PTPRE: variants seen among roughly 807,000 people sequenced by gnomAD.
PTPRE encodes the protein protein tyrosine phosphatase receptor type E.
A neutral mutation model predicts 102.0 loss-of-function variants in PTPRE; 51 were observed. The ratio of observed to expected loss-of-function variants is 0.50; its 90% CI spans 0.40 to 0.63. The LOEUF is 0.63. Among genes scored for constraint, PTPRE ranks in the 30% least tolerant of loss-of-function variants. The pLI, the probability that PTPRE is intolerant of heterozygous loss-of-function variation, is 0.00. For synonymous variants in PTPRE, 345 were observed against 348.2 expected (o/e 0.99, Z 0.10); for missense variants, 752 against 915.1 (o/e 0.82, Z 2.30).
intron 1 of PTPRE, among the ~76,000 whole-genome samples, chr10:127,908,833 C>A (rs532115088): frequency 6.6e-6 from 1 of 152,172 alleles, no homozygotes; most frequent in Non-Finnish European, 1.5e-5. Flanking sequence ...CCCAACAGAC[C>A]GTTCCCATGT....
chr10:128,053,836 C>T (rs541167033), intron 6 of PTPRE, among the ~76,000 whole-genome samples: 2 of 152,268 alleles, frequency 1.3e-5, no homozygotes, highest in East Asian at 1.9e-4. Flanking sequence ...TCTTGGCTCA[C>T]GGCAACCTCC....
At chr10:128,055,361 C>T (rs766618618) in intron 6 of PTPRE, among the ~76,000 whole-genome samples, 8 of 152,144 alleles carry the variant, frequency 5.3e-5, no homozygotes, top group Non-Finnish European at 7.4e-5. Flanking sequence ...AGTTCACGCT[C>T]GGTTATGCTG....
At chr10:128,055,662 G>T (rs532263587) in intron 6 of PTPRE, among the ~76,000 whole-genome samples, 1 of 152,088 alleles carries the variant, frequency 6.6e-6, no homozygotes, top group African/African-American at 2.4e-5. Flanking sequence ...TCCCAGGACC[G>T]CTCTATTCAT....
intron 2 of PTPRE, among the ~76,000 whole-genome samples, chr10:127,997,205 G>A (rs1351699212): frequency 6.6e-6 from 1 of 152,138 alleles, no homozygotes; most frequent in Non-Finnish European, 1.5e-5. Flanking sequence ...CTTTTCCCGG[G>A]AATCAAACCC....
At chr10:127,938,375 T>A (rs955667355) in intron 1 of PTPRE, among the ~76,000 whole-genome samples, 10 of 151,968 alleles carry the variant, frequency 6.6e-5, no homozygotes, top group Non-Finnish European at 1.5e-5. Flanking sequence ...CTAGGAGACA[T>A]AGACAAGTGA....
At position 128,041,108 on chromosome 10, in the gene PTPRE, G is replaced by C. The variant is rs1847654692; in HGVS notation, c.109+118G>C. On this transcript the variant is annotated intron_variant, in intron 3 of 20. Transcript: ENST00000254667. ...AAGAATGGTGTGGCTGAATTTCTTA[G>C]TGTGCTTTTAATAGTTTGTGCCTCT... 4 of 855,324 alleles carry C rather than the reference G, an allele frequency of 4.7e-6. No homozygotes were observed. The South Asian group carries it at 4.7e-5, about 10-fold the overall frequency. The allele number at this position is 855,324 out of a possible 1,614,324, so 53.0% of individuals were successfully genotyped here. A position where few individuals can be genotyped will look rare whatever the true frequency, so the allele number is the denominator to read the frequency against.
Position 128,070,422 on chromosome 10 carries a change from A to G in PTPRE, c.1265A>G (p.Asp422Gly), listed in dbSNP as rs146930877. 3,363 of 1,614,114 alleles carry G rather than the reference A, an allele frequency of 2.1e-3. 6 individuals are homozygous for G. Among genetic ancestry groups the G allele is most frequent in the South Asian group, 3.4e-3 (309 of 91,064 alleles). ...QTMHGTTTHF[D>G]KIGLEEEFRK... is the part of the protein sequence containing the mutation. Reference sequence around the variant, plus strand: ...ATGCACGGCACCACCACCCACTTCGACAAGATCGGGCTGGAGGAGGAGTTC... The same window carrying G: ...ATGCACGGCACCACCACCCACTTCGGCAAGATCGGGCTGGAGGAGGAGTTC... The change falls in exon 14 of 21, where the codon GAC (aspartate) becomes GGC (glycine). Residue 422 changes from aspartate (D) to glycine (G), a missense_variant. Physicochemically the swap from Asp to Gly is moderately conservative, Grantham distance 94 (BLOSUM62 -1). Transcript: ENST00000254667. The surrounding 1 kb of genome is among the most constrained non-coding windows in gnomAD (Gnocchi z 4.8).
At position 128,082,404 on chromosome 10, in the gene PTPRE, G is replaced by A. The variant is rs186816042; in HGVS notation, c.2029-428G>A. Among the ~76,000 whole-genome samples the A allele has an allele frequency of 3.5e-3, 529 of 151,134 alleles. 4 individuals are homozygous for A. Among genetic ancestry groups the A allele is most frequent in the Non-Finnish European group, 4.5e-3 (305 of 67,750 alleles). The stretch of plus-strand genomic sequence containing the variant: ...TTTTTGTATCTTTTTTGATAGAGAT[G>A]GGGTTTCACCATGTTGCCCAGGCTG... On this transcript the variant is annotated intron_variant, in intron 20 of 20. Transcript: ENST00000254667.
intron 2 of PTPRE, among the ~76,000 whole-genome samples, chr10:127,995,693 G>A (rs978686194): frequency 6.6e-6 from 1 of 152,184 alleles, no homozygotes; most frequent in Non-Finnish European, 1.5e-5. Flanking sequence ...TATCAAGGTG[G>A]CTAAAGCAAG....
intron 1 of PTPRE, among the ~76,000 whole-genome samples, chr10:127,979,637 G>A (rs138835035): frequency 1.8e-4 from 27 of 152,264 alleles, no homozygotes; most frequent in East Asian, 1.4e-3. Flanking sequence ...TGATTGCACC[G>A]CTGCACAATA....
At chr10:127,992,868 C>T (rs901227403) in intron 2 of PTPRE, among the ~76,000 whole-genome samples, 4 of 152,156 alleles carry the variant, frequency 2.6e-5, no homozygotes, top group Non-Finnish European at 5.9e-5. Flanking sequence ...TTGTAATAAC[C>T]GCGTAAGTGG....
chr10:127,946,394 CA>C (rs1848624938), intron 1 of PTPRE, among the ~76,000 whole-genome samples: 1 of 148,130 alleles, frequency 6.8e-6, no homozygotes, highest in Non-Finnish European at 1.5e-5. Context: ...GATATATATA[CA>C]AGGATGTTTA....
At chr10:128,078,032 T>A (rs1171849220) in intron 19 of PTPRE, among the ~76,000 whole-genome samples, 12 of 152,234 alleles carry the variant, frequency 7.9e-5, no homozygotes, top group Admixed American at 7.9e-4. Context: ...AGGGTGGAGT[T>A]GGGAAACCAC....
At chr10:128,047,732 T>C (rs745765826) in intron 4 of PTPRE, 32 bp from the exon 5 acceptor site, 2 of 1,612,694 alleles carry the variant, frequency 1.2e-6, no homozygotes, top group Non-Finnish European at 1.7e-6. Flanking sequence ...AACCTAGAAG[T>C]GTGGAAACCT....
intron 10 of PTPRE, among the ~76,000 whole-genome samples, chr10:128,065,849 CAGAA>C (rs1202656252): frequency 6.6e-6 from 1 of 152,182 alleles, no homozygotes; most frequent in East Asian, 1.9e-4. Context: ...CTGTCTACAT[CAGAA>C]AGCCTTGGGG....
intron 2 of PTPRE, among the ~76,000 whole-genome samples, chr10:127,986,990 C>T (rs1310496266): frequency 6.6e-6 from 1 of 152,160 alleles, no homozygotes. Context: ...CTATCCAAGC[C>T]ACAGCGACAA....
chr10:128,030,115 C>A (rs1333577573), intron 2 of PTPRE, among the ~76,000 whole-genome samples: 1 of 152,218 alleles, frequency 6.6e-6, no homozygotes, highest in African/African-American at 2.4e-5. Flanking sequence ...TTCCCTCACC[C>A]CTCCGAGGCC....
At chr10:127,954,589 C>T (rs900235532) in intron 1 of PTPRE, among the ~76,000 whole-genome samples, 1 of 152,278 alleles carries the variant, frequency 6.6e-6, no homozygotes, top group Admixed American at 6.5e-5. Context: ...TTACCATGTT[C>T]TTCATCACCT....
intron 2 of PTPRE, among the ~76,000 whole-genome samples, chr10:128,014,360 C>A (rs376142664): frequency 8.5e-5 from 13 of 152,222 alleles, no homozygotes; most frequent in African/African-American, 2.7e-4. Flanking sequence ...ATAATGCATG[C>A]ACATTGTTTG....
Sources: gnomAD v4.1 joint callset for allele counts (sites outside exome capture counted in the v4.1 genomes callset) on GRCh38, gnomAD v4.1.1 for gene constraint, Gnocchi (gnomAD v3.1) non-coding constraint, MANE v1.5 for transcripts, NCBI Gene and HGNC (gene_info 2026-07-23, HGNC 2026-07-21) for gene names.